Variants in MAPK6 observed in about 807,000 individuals in gnomAD.
MAPK6 encodes the protein ERK-3.
MAPK6 carries 19 observed loss-of-function variants against 59.3 expected under a neutral mutation model. The ratio of observed to expected loss-of-function variants is 0.32; its 90% confidence interval spans 0.22 to 0.47. MAPK6 has a LOEUF of 0.47. MAPK6 is among the 20% of genes least tolerant of loss of function. MAPK6 has a pLI of 1.00. For missense variants in MAPK6, 724 were observed against 847.9 expected (o/e 0.85, Z 1.81); for synonymous variants, 316 against 290.3 (o/e 1.09, Z -0.90).
chr15:52,058,678 C>T lies in MAPK6; in HGVS notation c.746C>T (p.Pro249Leu). Residue 249 changes from proline (P) to leucine (L), a missense_variant, in exon 4 of 6, where the codon CCT (proline) becomes CTT (leucine). Physicochemically the swap from Pro to Leu is moderately conservative, Grantham distance 98. Coordinates refer to ENST00000261845, the MANE Select transcript of MAPK6 (RefSeq NM_002748.4). ...ATGCAGCTGATTTTAGAATCTATTC[C>T]TGTTGTACATGAGGAAGATCGTCAG... ...EQMQLILESI[P>L]VVHEEDRQEL... 6.2e-7 allele frequency: 1 copy of T among 1,612,852 alleles called. No individual in the cohort carries two copies. Among genetic ancestry groups the T allele is most frequent in the Non-Finnish European group, 8.5e-7 (1 of 1,179,392 alleles).
At chr15:52,015,708 T>C (rs2030215907), upstream of MAPK6, among the ~76,000 whole-genome samples, 2 of 149,694 alleles carry the variant, frequency 1.3e-5, no homozygotes, top group African/African-American at 4.9e-5. Context: ...CACCTTAGCC[T>C]CCCAAAGTGC....
At chr15:52,052,815 C>T (rs2031823218) in intron 3 of MAPK6, among the ~76,000 whole-genome samples, 1 of 152,122 alleles carries the variant, frequency 6.6e-6, no homozygotes, top group South Asian at 2.1e-4. Context: ...TTTGGGTTTC[C>T]ACTTCTTGGT....
intron 1 of MAPK6, among the ~76,000 whole-genome samples, chr15:51,976,066 A>G (rs2057156369): frequency 6.6e-6 from 1 of 151,702 alleles, no homozygotes; most frequent in South Asian, 2.1e-4. Context: ...GGAAAGCAAG[A>G]CCATCCTGGC....
intron 3 of MAPK6, among the ~76,000 whole-genome samples, chr15:52,013,747 C>T (rs1479098250): frequency 2.0e-5 from 3 of 152,080 alleles, no homozygotes; most frequent in East Asian, 1.9e-4. Flanking sequence ...CCTTAGAGGA[C>T]GTGGGAGTAT....
intron 4 of MAPK6, among the ~76,000 whole-genome samples, chr15:52,060,046 T>TA (rs1371737829): frequency 3.3e-5 from 5 of 152,150 alleles, no homozygotes; most frequent in Admixed American, 6.5e-5. Context: ...CCTCTATACT[T>TA]ACCTCTCATC....
At chr15:52,059,316 A>T (rs1254779781) in intron 4 of MAPK6, among the ~76,000 whole-genome samples, 1 of 152,164 alleles carries the variant, frequency 6.6e-6, no homozygotes, top group Non-Finnish European at 1.5e-5. Context: ...TTTATTGAAA[A>T]ATAGAGACAG....
chr15:52,046,660 A>G lies in MAPK6; in HGVS notation c.200A>G (p.Lys67Arg), dbSNP rs1566909466. Residue 67 changes from lysine to arginine, a missense_variant, in exon 2 of 6, where the codon AAA (lysine) becomes AGA (arginine). Transcript: ENST00000261845. Reference protein sequence around the residue: ...QSVKHALREIKIIRRLDHDNI... With the variant: ...QSVKHALREIRIIRRLDHDNI... ...GTCAAACATGCTCTACGTGAAATCA[A>G]AATTATTAGAAGACTTGACCATGAT... 2 of 1,614,214 alleles carry G rather than the reference A, an allele frequency of 1.2e-6. No homozygotes were observed. The highest frequency in any genetic ancestry group is 1.7e-6 in the Non-Finnish European group (2 of 1,180,028).
chr15:51,975,706 G>T (rs1447740037), intron 1 of MAPK6, among the ~76,000 whole-genome samples: 1 of 151,762 alleles, frequency 6.6e-6, no homozygotes, highest in Non-Finnish European at 1.5e-5. Flanking sequence ...CCACTCCACA[G>T]GAGGATCATG....
At chr15:52,055,029 C>G (rs1056378932) in intron 3 of MAPK6, among the ~76,000 whole-genome samples, 1 of 152,204 alleles carries the variant, frequency 6.6e-6, no homozygotes, top group Non-Finnish European at 1.5e-5. Context: ...ATCTGTGTGC[C>G]TTGGCCTCCC....
At chr15:52,006,980 G>A (rs1245392812) in intron 3 of MAPK6, among the ~76,000 whole-genome samples, 1 of 152,046 alleles carries the variant, frequency 6.6e-6, no homozygotes, top group Non-Finnish European at 1.5e-5. Flanking sequence ...TAGAAATACT[G>A]GTTCTGTTCT....
intron 3 of MAPK6, among the ~76,000 whole-genome samples, chr15:52,053,410 T>G (rs142420892): frequency 6.6e-6 from 1 of 152,156 alleles, no homozygotes; most frequent in Non-Finnish European, 1.5e-5. Context: ...CCCTAATAAC[T>G]AATGGATGAT....
intron 1 of MAPK6, among the ~76,000 whole-genome samples, chr15:51,975,043 A>G (rs148125860): frequency 9.9e-4 from 150 of 151,800 alleles, no homozygotes; most frequent in African/African-American, 3.5e-3. Context: ...TAGGTGTGTG[A>G]TTAAATAAAA....
chr15:51,991,262 T>TA (rs1288782385), intron 2 of MAPK6, among the ~76,000 whole-genome samples: 3 of 151,954 alleles, frequency 2.0e-5, no homozygotes, highest in Admixed American at 2.0e-4. Context: ...CATAGGCAAA[T>TA]ATGAATTTAT....
chr15:52,020,955 A>T (rs2030505277), intron 1 of MAPK6, among the ~76,000 whole-genome samples: 1 of 152,206 alleles, frequency 6.6e-6, no homozygotes, highest in Non-Finnish European at 1.5e-5. Flanking sequence ...TTGATCACCT[A>T]GGTATTACTG....
intron 2 of MAPK6, among the ~76,000 whole-genome samples, chr15:51,994,853 C>G (rs975815471): frequency 2.0e-5 from 3 of 152,132 alleles, no homozygotes; most frequent in Non-Finnish European, 4.4e-5. Flanking sequence ...AAATAAATGG[C>G]CTGTAATCTA....
At chr15:52,018,026 A>G (rs1249596829), upstream of MAPK6, 1 of 151,708 alleles carries the variant, frequency 6.6e-6, no homozygotes, top group African/African-American at 2.4e-5. Flanking sequence ...ACTTAACTTC[A>G]TTACTCTGTG....
chr15:52,046,934 T>C lies in MAPK6; in HGVS notation c.474T>C (p.Leu158=). Residue 158 remains leucine (L), a synonymous_variant, in exon 2 of 6, where the codon CTT becomes CTC. Transcript: ENST00000261845. ...VLHRDLKPAN[L]FINTEDLVLK... ...ACAGAGATCTCAAACCAGCTAATCT[T>C]TTCATTAATACGGAAGACTTGGTGC... 3.1e-6 allele frequency: 5 copies of C among 1,613,772 alleles called. No homozygotes were observed. The highest frequency in any genetic ancestry group is 4.2e-6 in the Non-Finnish European group (5 of 1,179,890).
Position 52,064,585 on chromosome 15 carries a change from A to C in MAPK6, c.1751A>C (p.Gln584Pro), listed in dbSNP as rs1259760349. 1.9e-6 allele frequency: 3 copies of C among 1,611,854 alleles called. No homozygotes were observed. The highest frequency in any genetic ancestry group is 2.5e-6 in the Non-Finnish European group (3 of 1,179,776). ...KQEKGMANLA[Q>P]LEALYQSSWD... is the part of the protein sequence containing the mutation. ...GAAAAAGGAATGGCAAATCTGGCTC[A>C]ATTAGAAGCCTTGTACCAGTCTTCT... Residue 584 changes from glutamine (Q) to proline (P), a missense_variant, in exon 6 of 6, where the codon CAA becomes CCA. Gln to Pro is a moderately conservative substitution (Grantham distance 76). Transcript: ENST00000261845.
chr15:52,033,434 C>A (rs561637734), intron 1 of MAPK6, among the ~76,000 whole-genome samples: 2 of 152,276 alleles, frequency 1.3e-5, no homozygotes, highest in East Asian at 3.9e-4. Flanking sequence ...TTTCATTTTT[C>A]ATCCGTCCTG....
Sources: allele counts gnomAD v4.1 joint callset (sites outside exome capture counted in the v4.1 genomes callset), GRCh38; gene constraint gnomAD v4.1.1; transcripts MANE v1.5; gene names NCBI Gene and HGNC (gene_info 2026-07-23, HGNC 2026-07-21).